ATRNL1: variants seen among roughly 807,000 people sequenced by gnomAD.
ATRNL1 encodes the protein attractin-like protein 1.
A neutral mutation model predicts 182.7 loss-of-function variants in ATRNL1; 95 were observed. That is an observed-to-expected ratio of 0.52 (90% CI 0.44 to 0.62). The LOEUF (loss-of-function observed/expected upper bound fraction) is 0.62. Ranked by LOEUF, ATRNL1 falls within the 20% of genes least tolerant of loss-of-function variation. The pLI is 0.00. For synonymous variants in ATRNL1, 576 were observed against 568.3 expected (o/e 1.01, Z -0.19); for missense variants, 1,471 against 1,679.5 (o/e 0.88, Z 2.17).
rs1554935983 is a variant in ATRNL1, at chr10:115,334,275, C to T, written c.3038-7C>T. On this transcript the variant is annotated splice_polypyrimidine_tract_variant and splice_region_variant and intron_variant, in intron 18 of 28. Coordinates refer to ENST00000355044, the MANE Select transcript of ATRNL1 (RefSeq NM_207303.4). ...ATATTTGTAATGCTTTTTACTGTTT[C>T]CTTTAGCTTGCCAGTGTAATGGACA... 1 of 1,505,816 alleles carries T rather than the reference C, an allele frequency of 6.6e-7. No individual in the cohort carries two copies. Among genetic ancestry groups the T allele is most frequent in the Non-Finnish European group, 9.0e-7 (1 of 1,110,724 alleles). The allele number at this position is 1,505,816 out of a possible 1,614,324, so 93.3% of individuals were successfully genotyped here.
At chr10:115,686,064 T>C (rs1946208229) in intron 26 of ATRNL1, among the ~76,000 whole-genome samples, 2 of 151,404 alleles carry the variant, frequency 1.3e-5, no homozygotes, top group South Asian at 4.1e-4. Context: ...TAGAACAATG[T>C]TTATAATTTA....
rs1361370898 is a variant in ATRNL1 at position 115,435,014 on chromosome 10, T to G, written c.3322+8712T>G. Among the ~76,000 whole-genome samples the G allele has an allele frequency of 2.0e-5, 3 of 151,822 alleles. No homozygotes were observed. In the South Asian group the frequency reaches 6.2e-4, roughly 32 times the overall value. On this transcript the variant is annotated intron_variant, in intron 21 of 28. Transcript: ENST00000355044. ...TGAAGTTTAATTGACATTTTAACAG[T>G]ATTAAAACCTGGGACTTTTTTTTTT...
intron 20 of ATRNL1, among the ~76,000 whole-genome samples, chr10:115,395,535 A>T (rs540169509): frequency 6.6e-6 from 1 of 151,862 alleles, no homozygotes; most frequent in East Asian, 1.9e-4. Context: ...TTCATATTAT[A>T]CCTAATATAA....
intron 27 of ATRNL1, among the ~76,000 whole-genome samples, chr10:115,846,466 G>A (rs765138044): frequency 6.6e-6 from 1 of 151,912 alleles, no homozygotes; most frequent in Non-Finnish European, 1.5e-5. Flanking sequence ...CTTCTTAAAA[G>A]TTTAAATATC....
chr10:115,213,043 A>G (rs1849092616), intron 8 of ATRNL1, among the ~76,000 whole-genome samples: 1 of 152,156 alleles, frequency 6.6e-6, no homozygotes, highest in Non-Finnish European at 1.5e-5. Context: ...TATTTTTATC[A>G]TGGCTACTTT....
intron 24 of ATRNL1, among the ~76,000 whole-genome samples, chr10:115,510,297 G>T (rs1850324297): frequency 6.6e-6 from 1 of 152,154 alleles, no homozygotes; most frequent in South Asian, 2.1e-4. Context: ...AGTTCTGTTA[G>T]TAAATTTTTA....
intron 9 of ATRNL1, among the ~76,000 whole-genome samples, chr10:115,235,395 C>G (rs185485043): frequency 3.1e-3 from 466 of 152,242 alleles, no homozygotes; most frequent in Middle Eastern, 0.01. Flanking sequence ...TTCTCTCTAT[C>G]TCCATCTTCT....
At chr10:115,761,278 G>GT (rs1948729588) in intron 27 of ATRNL1, among the ~76,000 whole-genome samples, 1 of 152,164 alleles carries the variant, frequency 6.6e-6, no homozygotes, top group Non-Finnish European at 1.5e-5. Context: ...ATTACACTTT[G>GT]TAAGTTTGCC....
chr10:115,936,953 C>T (rs900583057), intron 28 of ATRNL1, among the ~76,000 whole-genome samples: 11 of 151,896 alleles, frequency 7.2e-5, no homozygotes, highest in East Asian at 1.9e-4. Context: ...TTTGTGTCTC[C>T]GAAATCAGTG....
intron 3 of ATRNL1, among the ~76,000 whole-genome samples, chr10:115,127,369 G>A (rs577286331): frequency 5.9e-5 from 9 of 152,088 alleles, no homozygotes; most frequent in Non-Finnish European, 1.3e-4. Flanking sequence ...AAAAAAAATG[G>A]GGTACAGTGG....
chr10:115,127,476 C>A, intron 3 of ATRNL1, 117 bp from the exon 4 acceptor site: 2 of 741,178 alleles, frequency 2.7e-6, no homozygotes, highest in Admixed American at 7.0e-5. Context: ...CTTTTAGTTG[C>A]CCATTCTGAC....
chr10:115,638,356 T>C (rs1335762049), intron 26 of ATRNL1, among the ~76,000 whole-genome samples: 1 of 152,054 alleles, frequency 6.6e-6, no homozygotes, highest in Non-Finnish European at 1.5e-5. Flanking sequence ...AATTGTCTAA[T>C]GATGTATTTC....
At chr10:115,614,959 G>GT (rs569191752) in intron 26 of ATRNL1, among the ~76,000 whole-genome samples, 11 of 149,654 alleles carry the variant, frequency 7.4e-5, no homozygotes, top group South Asian at 2.1e-4. Flanking sequence ...GTTGGGTCTT[G>GT]TTTTTTTTTA....
At chr10:115,098,385 C>A (rs2085068816) in intron 1 of ATRNL1, among the ~76,000 whole-genome samples, 1 of 145,926 alleles carries the variant, frequency 6.9e-6, no homozygotes, top group East Asian at 2.0e-4. Flanking sequence ...ACTGTGAACT[C>A]TTTCCTCTCT....
intron 26 of ATRNL1, among the ~76,000 whole-genome samples, chr10:115,637,624 TTA>T (rs1858968167): frequency 6.8e-6 from 1 of 147,836 alleles, no homozygotes; most frequent in East Asian, 2.0e-4. Flanking sequence ...ATTATTATTA[TTA>T]TTATTATTAT....
intron 10 of ATRNL1, among the ~76,000 whole-genome samples, chr10:115,256,026 G>A (rs1056090507): frequency 2.8e-4 from 43 of 152,276 alleles, no homozygotes; most frequent in Admixed American, 1.4e-3. Flanking sequence ...ATGTGCTGAT[G>A]GATTTGGTTT....
At chr10:115,327,851 C>G (rs1348294334) in intron 18 of ATRNL1, among the ~76,000 whole-genome samples, 7 of 151,550 alleles carry the variant, frequency 4.6e-5, no homozygotes, top group Admixed American at 1.3e-4. Context: ...AACCAAACAC[C>G]GCATATTCTC....
At chr10:115,462,613 A>AAAAT (rs1159786060) in intron 22 of ATRNL1, among the ~76,000 whole-genome samples, 5 of 152,126 alleles carry the variant, frequency 3.3e-5, no homozygotes, top group African/African-American at 7.2e-5. Flanking sequence ...TCCATCTCAA[A>AAAAT]AAATAAATAA....
chr10:115,270,063 G>A (rs1157487515), intron 13 of ATRNL1, among the ~76,000 whole-genome samples: 1 of 151,308 alleles, frequency 6.6e-6, no homozygotes, highest in African/African-American at 2.4e-5. Context: ...GTTATGCTTT[G>A]AAAATTTAAA....
Sources: allele counts gnomAD v4.1 joint callset (sites outside exome capture counted in the v4.1 genomes callset), GRCh38; gene constraint gnomAD v4.1.1; transcripts MANE v1.5; gene names NCBI Gene and HGNC (gene_info 2026-07-23, HGNC 2026-07-21).